KIAA1671: variants seen among roughly 807,000 people sequenced by gnomAD.
The protein encoded by KIAA1671 is uncharacterized protein KIAA1671.
Under a neutral mutation model 131.2 loss-of-function variants are expected in KIAA1671, and 52 were observed. The ratio of observed to expected loss-of-function variants is 0.40; its 90% CI spans 0.32 to 0.50. KIAA1671 has a LOEUF of 0.50. Ranked by LOEUF, KIAA1671 falls within the 20% of genes least tolerant of loss-of-function variation. KIAA1671 has a pLI of 0.73. For synonymous variants in KIAA1671, 1,003 were observed against 961.6 expected (o/e 1.04, Z -0.80); for missense variants, 2,360 against 2,364.2 (o/e 1.00, Z 0.04).
intron 6 of KIAA1671, among the ~76,000 whole-genome samples, chr22:25,078,721 T>C (rs1361808978): frequency 3.3e-5 from 5 of 152,196 alleles, no homozygotes; most frequent in Non-Finnish European, 1.5e-5. Flanking sequence ...AGGGTCTGGT[T>C]TGGCTTTGTC....
Position 25,032,609 on chromosome 22 carries a change from G to A in KIAA1671, c.1542G>A (p.Leu514=). 1.3e-6 allele frequency: 2 copies of A among 1,542,598 alleles called. No individual in the cohort carries two copies. Among genetic ancestry groups the A allele is most frequent in the Non-Finnish European group, 1.8e-6 (2 of 1,139,504 alleles). Residue 514 remains leucine, a splice_region_variant and synonymous_variant, in exon 4 of 13, where the codon TTG becomes TTA. Transcript: ENST00000358431. ...ARPLSADLTK[L]FSSSASSNEV... Reference sequence around the variant, plus strand: ...AAGGTAACTCAGATCTCTGTACCAGGTTTTCAAGTTCAGCTTCCAGCAACG... The same window carrying A: ...AAGGTAACTCAGATCTCTGTACCAGATTTTCAAGTTCAGCTTCCAGCAACG...
At chr22:25,079,942 G>A (rs1016011301) in intron 6 of KIAA1671, among the ~76,000 whole-genome samples, 9 of 152,066 alleles carry the variant, frequency 5.9e-5, no homozygotes, top group Admixed American at 3.9e-4. Flanking sequence ...GATGATGGCC[G>A]CTCAGACTGG....
chr22:25,001,187 G>GTT (rs1386973285), intron 1 of KIAA1671, among the ~76,000 whole-genome samples: 1 of 76,324 alleles, frequency 1.3e-5, no homozygotes, highest in Non-Finnish European at 2.4e-5. Flanking sequence ...ATATACGTGT[G>GTT]TATATATGTG....
At chr22:25,153,882 C>T (rs981859079) in intron 6 of KIAA1671, among the ~76,000 whole-genome samples, 4 of 152,214 alleles carry the variant, frequency 2.6e-5, no homozygotes, top group African/African-American at 7.2e-5. Flanking sequence ...GATTGGAGCC[C>T]GGGTCTGCCT....
chr22:25,033,293 G>A (rs1926390962), intron 4 of KIAA1671, among the ~76,000 whole-genome samples: 1 of 152,070 alleles, frequency 6.6e-6, no homozygotes, highest in Non-Finnish European at 1.5e-5. Context: ...TTAAGGCTGA[G>A]GCAGGAGGAT....
chr22:25,173,064 A>G (rs549195774), intron 7 of KIAA1671, among the ~76,000 whole-genome samples: 4 of 152,342 alleles, frequency 2.6e-5, no homozygotes, highest in African/African-American at 9.6e-5. Flanking sequence ...GAAACTTACA[A>G]TCATGGCGGA....
In KIAA1671 at chr22:25,016,299, G is replaced by C. The variant is rs565013572; in HGVS notation, c.-207-9334G>C. ...CTCCCAAAGTGCTGGGATTACAGGC[G>C]TGAGCCACCGTGCCCAGCCAAGAAT... On this transcript the variant is annotated intron_variant, in intron 1 of 12. Transcript: ENST00000358431. 5.6e-3 allele frequency among the ~76,000 whole-genome samples: 857 copies of C among 152,122 alleles called. 20 individuals are homozygous for C. Among genetic ancestry groups the C allele is most frequent in the Non-Finnish European group, 1.1e-3 (73 of 67,992 alleles).
At chr22:25,124,834 G>A (rs1392286439) in intron 6 of KIAA1671, among the ~76,000 whole-genome samples, 3 of 152,054 alleles carry the variant, frequency 2.0e-5, no homozygotes, top group Non-Finnish European at 4.4e-5. Context: ...ATAGCTCACT[G>A]CAGCCTCGAC....
intron 6 of KIAA1671, among the ~76,000 whole-genome samples, chr22:25,093,828 C>CTCTT (rs1930245675): frequency 2.3e-5 from 2 of 88,456 alleles, no homozygotes; most frequent in South Asian, 4.7e-4. Flanking sequence ...CTCTCTTTCT[C>CTCTT]TCTCTGTCTG....
intron 1 of KIAA1671, among the ~76,000 whole-genome samples, chr22:25,007,340 GATGGGC>G (rs569162749): frequency 1.6e-3 from 247 of 152,178 alleles, no homozygotes; most frequent in African/African-American, 5.5e-3. Context: ...ATAAAAATTA[GATGGGC>G]ATGGTGGTGT....
chr22:25,041,663 G>C, intron 5 of KIAA1671, 138 bp downstream of exon 5: 1 of 878,654 alleles, frequency 1.1e-6, no homozygotes, highest in Non-Finnish European at 1.7e-6. Context: ...CTCCAGGGAG[G>C]GGTATGGATT....
intron 1 of KIAA1671, among the ~76,000 whole-genome samples, chr22:25,025,362 G>A (rs1001642357): frequency 6.6e-6 from 1 of 152,094 alleles, no homozygotes; most frequent in Admixed American, 6.6e-5. Flanking sequence ...GGTTGCAGGG[G>A]ATGTTTCATG....
rs1038027951 is a variant in KIAA1671 at position 25,028,782 on chromosome 22, G to A, written c.783G>A (p.Ala261=). 26 of 1,551,126 alleles carry A rather than the reference G, an allele frequency of 1.7e-5. No homozygotes were observed. The highest frequency in any genetic ancestry group is 1.2e-4 in the East Asian group (5 of 40,932). The change falls in exon 3 of 13, where the codon GCG becomes GCA. Residue 261 remains alanine (A), a synonymous_variant. Transcript: ENST00000358431. ...IQPQKPGPGA[A]ATVGKVPPTP... ...CTCAGAAGCCAGGCCCCGGCGCAGC[G>A]GCCACAGTGGGCAAAGTGCCACCCA...
At chr22:25,182,911 C>A (rs1934340830) in intron 10 of KIAA1671, among the ~76,000 whole-genome samples, 1 of 152,140 alleles carries the variant, frequency 6.6e-6, no homozygotes, top group African/African-American at 2.4e-5. Context: ...GAACCAAGTC[C>A]CAGTCTCCCA....
At chr22:24,998,770 T>A (rs1439843996) in intron 1 of KIAA1671, among the ~76,000 whole-genome samples, 1 of 149,722 alleles carries the variant, frequency 6.7e-6, no homozygotes, top group Non-Finnish European at 1.5e-5. Context: ...AATGATCACC[T>A]ATTGTAAAGT....
At chr22:25,125,674 C>G (rs950511115) in intron 6 of KIAA1671, among the ~76,000 whole-genome samples, 3 of 152,248 alleles carry the variant, frequency 2.0e-5, no homozygotes, top group Admixed American at 2.0e-4. Flanking sequence ...GATGCCTGCA[C>G]CATCCTTCCC....
intron 6 of KIAA1671, among the ~76,000 whole-genome samples, chr22:25,143,751 A>G (rs1932837875): frequency 6.6e-6 from 1 of 152,202 alleles, no homozygotes. Flanking sequence ...TGGATAGCCT[A>G]GGAGTCTAGA....
chr22:25,018,933 T>C (rs2123887704), intron 1 of KIAA1671, among the ~76,000 whole-genome samples: 1 of 152,256 alleles, frequency 6.6e-6, no homozygotes, highest in Non-Finnish European at 1.5e-5. Flanking sequence ...CAAGATTCTG[T>C]GTTTAATTTT....
rs1300772637 is a variant in KIAA1671, at chr22:25,028,287, GCTC to G, written c.289_291del (p.Leu97del). 59 of 1,551,176 alleles carry G rather than the reference GCTC, an allele frequency of 3.8e-5. No individual in the cohort carries two copies. The highest frequency in any genetic ancestry group is 4.6e-5 in the Non-Finnish European group (53 of 1,147,014). On this transcript the variant is annotated inframe_deletion, in exon 3 of 13. Coordinates refer to ENST00000358431, the MANE Select transcript of KIAA1671 (RefSeq NM_001145206.2). ...CGACTGGACCTTCCCCCTCTGGGGG[GCTC>G]TCTGAGGAGCCAGCAGCAAAGGATC...
Sources: allele counts gnomAD v4.1 joint callset (sites outside exome capture counted in the v4.1 genomes callset), GRCh38; gene constraint gnomAD v4.1.1; transcripts MANE v1.5; gene names NCBI Gene and HGNC (gene_info 2026-07-23, HGNC 2026-07-21).